Variants in MOV10L1 observed in about 807,000 individuals in gnomAD.
MOV10L1 encodes the protein RNA helicase Mov10l1.
Under a neutral mutation model 143.8 loss-of-function variants are expected in MOV10L1, and 110 were observed. That is an observed-to-expected ratio of 0.76 (90% CI 0.66 to 0.90). The LOEUF (loss-of-function observed/expected upper bound fraction) is 0.90, where lower values mean the gene tolerates loss of function less well. Ranked by LOEUF, MOV10L1 falls within the 40% of genes least tolerant of loss-of-function variation. MOV10L1 has a pLI of 0.00. For synonymous variants in MOV10L1, 593 were observed against 581.1 expected (o/e 1.02, Z -0.29); for missense variants, 1,406 against 1,526.8 (o/e 0.92, Z 1.32).
At chr22:50,122,789 A>T (rs538125410) in intron 10 of MOV10L1, among the ~76,000 whole-genome samples, 1,831 of 101,910 alleles carry the variant, frequency 0.018, 21 homozygotes, top group Admixed American at 0.029. Context: ...TTATTTATTT[A>T]TTTATTTATT....
At position 50,114,617 on chromosome 22, in the gene MOV10L1, C is replaced by T. The variant is rs768692015; in HGVS notation, c.1121C>T (p.Ser374Phe). 1.2e-5 allele frequency: 20 copies of T among 1,613,546 alleles called. No homozygotes were observed. Among genetic ancestry groups the T allele is most frequent in the East Asian group, 8.9e-5 (4 of 44,896 alleles). The change falls in exon 7 of 27, where the codon TCT becomes TTT. Residue 374 changes from serine to phenylalanine, a missense_variant. Physicochemically the swap from Ser to Phe is radical, Grantham distance 155. Around this residue, in one of 3 missense-constraint regions of MOV10L1, gnomAD observed 1,233 missense variants for 1,351.4 expected, o/e 0.91. Coordinates refer to ENST00000262794, the MANE Select transcript of MOV10L1 (RefSeq NM_018995.3). ...ESSLVNNRGI[S>F]PGDCTCKGEN... ...AGTTTGGTGAACAACAGAGGAATCT[C>T]TCCAGGTAGTGGACGTTTCGGCTGT...
chr22:50,114,403 A>G lies in MOV10L1; in HGVS notation c.907A>G (p.Asn303Asp), dbSNP rs757900023. 1.2e-6 allele frequency: 2 copies of G among 1,614,122 alleles called. No homozygotes were observed. The highest frequency in any genetic ancestry group is 2.2e-5 in the East Asian group (1 of 44,884). The change falls in exon 7 of 27, where the codon AAC (asparagine) becomes GAC (aspartate). Residue 303 changes from asparagine (N) to aspartate (D), a missense_variant. Coordinates refer to ENST00000262794, the MANE Select transcript of MOV10L1 (RefSeq NM_018995.3). ...WIENKGDIPQ[N>D]LVSCKLAGWD... ...CAGGAATAAAGGAGACATTCCTCAA[A>G]ACTTAGTCAGCTGTAAACTGGCTGG... is the stretch of plus-strand genomic sequence containing the variant.
At chr22:50,115,374 G>GGCCACCATGGCGAAACCCCGCCTC (rs2062144097) in intron 8 of MOV10L1, 128 bp downstream of exon 8, 1 of 1,084,736 alleles carries the variant, frequency 9.2e-7, no homozygotes, top group Non-Finnish European at 1.2e-6. Context: ...AAACCAGCCT[G>GGCCACCATGGCGAAACCCCGCCTC]GCCACCATGG....
rs1490444073 is a variant in MOV10L1, at chr22:50,130,223, T to A, written c.1910+1716T>A. Among the ~76,000 whole-genome samples the A allele has an allele frequency of 5.3e-5, 8 of 152,210 alleles. No individual in the cohort carries two copies. The East Asian group carries it at 1.5e-3, about 29-fold the overall frequency. ...CCAGGAGGCGGAGGTTGCGGTGAGC[T>A]GAGATCATACTACTGCACTCCAGCC... On this transcript the variant is annotated intron_variant, in intron 13 of 26. Coordinates refer to ENST00000262794, the MANE Select transcript of MOV10L1 (RefSeq NM_018995.3).
chr22:50,128,677 T>C (rs1344001370), intron 13 of MOV10L1, among the ~76,000 whole-genome samples, 170 bp downstream of exon 13: 1 of 151,770 alleles, frequency 6.6e-6, no homozygotes, highest in Non-Finnish European at 1.5e-5. Context: ...CCCAAGTAGC[T>C]GGGACTACAG....
rs1276645736 is a variant in MOV10L1, at chr22:50,099,509, C to A, written c.349C>A (p.Pro117Thr). 2 of 1,614,172 alleles carry A rather than the reference C, an allele frequency of 1.2e-6. No homozygotes were observed. Residue 117 changes from proline (P) to threonine (T), a missense_variant, in exon 3 of 27, where the codon CCC (proline) becomes ACC (threonine). Physicochemically the swap from Pro to Thr is conservative, Grantham distance 38. Around this residue, in one of 3 missense-constraint regions of MOV10L1, gnomAD observed 166 missense variants for 153.9 expected, o/e 1.08. Coordinates refer to ENST00000262794, the MANE Select transcript of MOV10L1 (RefSeq NM_018995.3). ...CCATGGGAGTCCCTCAGACTGCGGC[C>A]CCCGAGTGTTGATTGGCTGTGTGAC... Reference protein sequence around the residue: ...RNHGSPSDCGPRVLIGCVTSL... With the variant: ...RNHGSPSDCGTRVLIGCVTSL...
At chr22:50,098,700 A>C (rs1320419301) in intron 2 of MOV10L1, among the ~76,000 whole-genome samples, 1 of 152,218 alleles carries the variant, frequency 6.6e-6, no homozygotes, top group Non-Finnish European at 1.5e-5. Flanking sequence ...AATAAAGATA[A>C]TTGAAATTTG....
Position 50,142,176 on chromosome 22 carries a change from G to A in MOV10L1, c.2166G>A (p.Glu722=), listed in dbSNP as rs773758308. ...CGGTGCTGGCACCCTTTACTGCAGAGATGAGCGATTGGGGTATGTGCTCAT... is the reference window on the plus strand; with the variant it reads ...CGGTGCTGGCACCCTTTACTGCAGAAATGAGCGATTGGGGTATGTGCTCAT... ...DLPVLAPFTA[E]MSDWVDEIQT... is the part of the protein sequence containing the mutation. The change falls in exon 16 of 27, where the codon GAG becomes GAA. Residue 722 remains glutamate, a synonymous_variant. Coordinates refer to ENST00000262794, the MANE Select transcript of MOV10L1 (RefSeq NM_018995.3). The A allele has an allele frequency of 3.1e-6, 5 of 1,612,596 alleles. No homozygotes were observed. The highest frequency in any genetic ancestry group is 3.4e-6 in the Non-Finnish European group (4 of 1,179,310).
intron 17 of MOV10L1, 121 bp downstream of exon 17, chr22:50,143,342 C>A (rs769244368): frequency 2.0e-5 from 22 of 1,096,408 alleles, no homozygotes; most frequent in Middle Eastern, 2.0e-4. Context: ...TTGAGAAATA[C>A]CAGTTATTTC....
intron 21 of MOV10L1, among the ~76,000 whole-genome samples, chr22:50,151,762 C>T (rs1340295072): frequency 6.6e-6 from 1 of 152,310 alleles, no homozygotes; most frequent in African/African-American, 2.4e-5. Context: ...GTGACGTGGC[C>T]GCAGCAGGAG....
chr22:50,113,550 T>C, intron 5 of MOV10L1, 98 bp from the exon 6 acceptor site: 1 of 1,493,914 alleles, frequency 6.7e-7, no homozygotes, highest in East Asian at 2.3e-5. Flanking sequence ...GGTGGTCCTC[T>C]GAGTGCCCCC....
At chr22:50,148,492 C>T (rs982492236) in intron 19 of MOV10L1, among the ~76,000 whole-genome samples, 16 of 152,168 alleles carry the variant, frequency 1.1e-4, no homozygotes, top group South Asian at 2.1e-4. Context: ...CCATCAGCAA[C>T]GCTGTGGACT....
At chr22:50,157,938 G>A (rs909280222) in intron 22 of MOV10L1, 119 bp from the exon 23 acceptor site, 15 of 1,233,186 alleles carry the variant, frequency 1.2e-5, no homozygotes, top group African/African-American at 1.5e-5. Context: ...CTGCACGAGA[G>A]CAGGGATTTA....
At chr22:50,131,187 T>C (rs138248) in intron 13 of MOV10L1, among the ~76,000 whole-genome samples, 10,951 of 151,956 alleles carry the variant, frequency 0.072, 468 homozygotes, top group Middle Eastern at 0.11. Flanking sequence ...GGATTACAGG[T>C]GTGGGCCACC....
At chr22:50,110,381 G>A (rs1316800560) in intron 5 of MOV10L1, among the ~76,000 whole-genome samples, 5 of 148,852 alleles carry the variant, frequency 3.4e-5, no homozygotes, top group Non-Finnish European at 6.0e-5. Context: ...CCCAGGAAGC[G>A]GAGCTTGCAG....
chr22:50,144,932 G>C (rs112256184), intron 18 of MOV10L1, among the ~76,000 whole-genome samples: 1 of 151,630 alleles, frequency 6.6e-6, no homozygotes, highest in Non-Finnish European at 1.5e-5. Flanking sequence ...ATAGAGCGAA[G>C]TATTGCTTTT....
At position 50,144,134 on chromosome 22, in the gene MOV10L1, G is replaced by T; in HGVS notation, c.2396G>T (p.Cys799Phe). ...TTGCCGGACAGTCGGATTTTAGTCT[G>T]TGCGCCCTCCAACAGTGCTGCTGAC... ...FALPDSRILV[C>F]APSNSAADLV... The change falls in exon 18 of 27, where the codon TGT becomes TTT. Residue 799 changes from cysteine (C) to phenylalanine (F), a missense_variant. Cys to Phe is a radical substitution (Grantham distance 205, BLOSUM62 -2). Around this residue, in one of 3 missense-constraint regions of MOV10L1, gnomAD observed 1,233 missense variants for 1,351.4 expected, o/e 0.91. Coordinates refer to ENST00000262794, the MANE Select transcript of MOV10L1 (RefSeq NM_018995.3). The T allele has an allele frequency of 6.2e-7, 1 of 1,613,246 alleles. No homozygotes were observed. Among genetic ancestry groups the T allele is most frequent in the Non-Finnish European group, 8.5e-7 (1 of 1,179,222 alleles).
At chr22:50,146,459 C>G (rs1396371868) in intron 19 of MOV10L1, among the ~76,000 whole-genome samples, 1 of 151,942 alleles carries the variant, frequency 6.6e-6, no homozygotes, top group East Asian at 1.9e-4. Context: ...ACTCTCAGAC[C>G]CCAGTGCAGG....
chr22:50,099,626 A>G, intron 3 of MOV10L1, 24 bp downstream of exon 3: 6 of 1,583,794 alleles, frequency 3.8e-6, no homozygotes, highest in East Asian at 2.3e-5. Flanking sequence ...TCTGTGTTCC[A>G]CATTGAAAAT....
Sources: gnomAD v4.1 joint callset for allele counts (sites outside exome capture counted in the v4.1 genomes callset) on GRCh38, gnomAD v4.1.1 for gene constraint, gnomAD v4.1.1 regional missense constraint, MANE v1.5 for transcripts, NCBI Gene and HGNC (gene_info 2026-07-23, HGNC 2026-07-21) for gene names.